The following UNC5C variants were observed in gnomAD, a reference collection of about 807,000 sequenced individuals.
The protein encoded by UNC5C is netrin receptor UNC5C.
A neutral mutation model predicts 99.8 loss-of-function variants in UNC5C; 47 were observed. The ratio of observed to expected loss-of-function variants is 0.47; its 90% CI spans 0.37 to 0.60. UNC5C has a LOEUF of 0.60. UNC5C is among the 20% of genes least tolerant of loss of function. The pLI, the probability that UNC5C is intolerant of heterozygous loss-of-function variation, is 0.00. For missense variants in UNC5C, 1,062 were observed against 1,165.9 expected (o/e 0.91, Z 1.30); for synonymous variants, 487 against 452.2 (o/e 1.08, Z -0.98).
At chr4:95,457,872 C>T (rs559791245) in intron 1 of UNC5C, among the ~76,000 whole-genome samples, 1 of 152,160 alleles carries the variant, frequency 6.6e-6, no homozygotes, top group Admixed American at 6.6e-5. Flanking sequence ...ATCTGAACGT[C>T]GGATGAGATG....
intron 1 of UNC5C, among the ~76,000 whole-genome samples, chr4:95,497,350 T>C (rs1232138992): frequency 6.6e-6 from 1 of 151,998 alleles, no homozygotes; most frequent in Non-Finnish European, 1.5e-5. Flanking sequence ...TATAAATCCA[T>C]ATTGATATAT....
At chr4:95,534,477 A>G (rs1039584239) in intron 1 of UNC5C, among the ~76,000 whole-genome samples, 4 of 152,204 alleles carry the variant, frequency 2.6e-5, no homozygotes, top group Non-Finnish European at 4.4e-5. Flanking sequence ...AATAAGAATG[A>G]GTATTCTTTG....
At chr4:95,208,499 A>G (rs755532344) in intron 10 of UNC5C, among the ~76,000 whole-genome samples, 2 of 152,082 alleles carry the variant, frequency 1.3e-5, no homozygotes, top group African/African-American at 2.4e-5. Context: ...TGGGTCATCT[A>G]TTTCTTCATG....
At chr4:95,372,654 G>T (rs1015920023) in intron 1 of UNC5C, among the ~76,000 whole-genome samples, 2 of 152,042 alleles carry the variant, frequency 1.3e-5, no homozygotes, top group African/African-American at 2.4e-5. Context: ...TTAAAAATGA[G>T]TATTCGTTCC....
chr4:95,243,092 C>T (rs574303189), intron 6 of UNC5C, among the ~76,000 whole-genome samples: 9 of 152,124 alleles, frequency 5.9e-5, no homozygotes, highest in Non-Finnish European at 1.3e-4. Flanking sequence ...ATCTATTTAT[C>T]TCTTCTCTTT....
chr4:95,275,836 T>C (rs1740839524), intron 4 of UNC5C, among the ~76,000 whole-genome samples: 1 of 152,196 alleles, frequency 6.6e-6, no homozygotes, highest in Non-Finnish European at 1.5e-5. Flanking sequence ...TCATTGAACA[T>C]ATTTTGCCTG....
intron 1 of UNC5C, among the ~76,000 whole-genome samples, chr4:95,423,767 C>G (rs1379941816): frequency 6.6e-6 from 1 of 152,172 alleles, no homozygotes; most frequent in African/African-American, 2.4e-5. Flanking sequence ...TTCCTGCACA[C>G]ATGACAGAAA....
intron 2 of UNC5C, among the ~76,000 whole-genome samples, chr4:95,316,354 T>C (rs1045830200): frequency 6.6e-6 from 1 of 152,142 alleles, no homozygotes; most frequent in Non-Finnish European, 1.5e-5. Flanking sequence ...TGCTTTTTGT[T>C]ACAAAGCCAA....
At chr4:95,492,559 C>G (rs1463377506) in intron 1 of UNC5C, among the ~76,000 whole-genome samples, 1 of 150,964 alleles carries the variant, frequency 6.6e-6, no homozygotes, top group Non-Finnish European at 1.5e-5. Context: ...TGCATTAATG[C>G]TTTTAGCTGT....
chr4:95,382,875 A>G (rs760292677), intron 1 of UNC5C, among the ~76,000 whole-genome samples: 7 of 152,160 alleles, frequency 4.6e-5, no homozygotes, highest in Non-Finnish European at 8.8e-5. Flanking sequence ...TGTCCAAATT[A>G]CACTGCTACT....
In UNC5C at chr4:95,163,457, C is replaced by G. The variant is rs116511757; in HGVS notation, c.*5777G>C. 74 of 152,308 alleles carry G rather than the reference C, an allele frequency of 4.9e-4. No homozygotes were observed. The highest frequency in any genetic ancestry group is 1.8e-3 in the African/African-American group (74 of 41,554). 9.4% of individuals were successfully genotyped at this position (152,308 alleles called of 1,614,324 possible). On this transcript the variant is annotated 3_prime_UTR_variant, in exon 16 of 16. Coordinates refer to ENST00000453304, the MANE Select transcript of UNC5C (RefSeq NM_003728.4). ...GCCCATCAATCCTTAGGCTGCTGAT[C>G]AGCAAAACCTGCCTACAATTCATCT...
chr4:95,361,856 CT>C (rs1744403726), intron 1 of UNC5C, among the ~76,000 whole-genome samples: 2 of 152,052 alleles, frequency 1.3e-5, no homozygotes, highest in Admixed American at 1.3e-4. Context: ...AAAAAATAGT[CT>C]TATGATTCTA....
intron 1 of UNC5C, among the ~76,000 whole-genome samples, chr4:95,514,888 G>A (rs1049441566): frequency 1.3e-5 from 2 of 151,458 alleles, no homozygotes; most frequent in African/African-American, 2.4e-5. Flanking sequence ...TGGCCAGACT[G>A]GTCTTGAACT....
At chr4:95,254,723 A>G (rs1240540099) in intron 4 of UNC5C, among the ~76,000 whole-genome samples, 2 of 152,200 alleles carry the variant, frequency 1.3e-5, no homozygotes, top group Non-Finnish European at 2.9e-5. Context: ...ATCATCAATT[A>G]CAACTCCTCC....
At chr4:95,406,903 C>T (rs1560821694) in intron 1 of UNC5C, among the ~76,000 whole-genome samples, 2 of 152,104 alleles carry the variant, frequency 1.3e-5, no homozygotes, top group Admixed American at 6.5e-5. Context: ...AAAATGCAAA[C>T]ATTTGCCTTT....
chr4:95,213,638 G>T (rs965995636), intron 10 of UNC5C, among the ~76,000 whole-genome samples: 1 of 152,190 alleles, frequency 6.6e-6, no homozygotes, highest in African/African-American at 2.4e-5. Flanking sequence ...CAGATGACCA[G>T]CTGGATACCA....
At chr4:95,317,163 T>C (rs940642977) in intron 2 of UNC5C, among the ~76,000 whole-genome samples, 2 of 152,180 alleles carry the variant, frequency 1.3e-5, no homozygotes, top group African/African-American at 4.8e-5. Context: ...TCTAATGATC[T>C]GGGCCTTCAG....
At chr4:95,449,562 CA>C (rs1301093969) in intron 1 of UNC5C, among the ~76,000 whole-genome samples, 7 of 152,016 alleles carry the variant, frequency 4.6e-5, no homozygotes, top group African/African-American at 1.7e-4. Context: ...AGAAGAATGC[CA>C]ATTCTTCAAG....
At chr4:95,449,175 A>C (rs1747209062) in intron 1 of UNC5C, among the ~76,000 whole-genome samples, 1 of 152,210 alleles carries the variant, frequency 6.6e-6, no homozygotes, top group Non-Finnish European at 1.5e-5. Context: ...AAAAAGAAAG[A>C]CCACTGTTAC....
Sources: allele counts gnomAD v4.1 joint callset (sites outside exome capture counted in the v4.1 genomes callset), GRCh38; gene constraint gnomAD v4.1.1; transcripts MANE v1.5; gene names NCBI Gene and HGNC (gene_info 2026-07-23, HGNC 2026-07-21).